Variants in THSD7A observed in about 807,000 individuals in gnomAD.
The protein encoded by THSD7A is thrombospondin type-1 domain-containing protein 7A.
In THSD7A, 96 loss-of-function variants were observed where a neutral mutation model predicts 231.3. The ratio of observed to expected loss-of-function variants is 0.41; its 90% confidence interval spans 0.35 to 0.49. THSD7A has a LOEUF of 0.49. Among genes scored for constraint, THSD7A ranks in the 20% least tolerant of loss-of-function variants. THSD7A has a pLI of 0.05. For synonymous variants in THSD7A, 940 were observed against 743.3 expected (o/e 1.26, Z -4.30); for missense variants, 2,290 against 2,070.2 (o/e 1.11, Z -2.06).
chr7:11,381,282 G>C (rs1480122979), intron 24 of THSD7A, among the ~76,000 whole-genome samples: 5 of 152,046 alleles, frequency 3.3e-5, no homozygotes, highest in African/African-American at 4.8e-5. Context: ...TCTTTTCTTT[G>C]TTCCGTATGT....
intron 1 of THSD7A, among the ~76,000 whole-genome samples, chr7:11,757,958 G>C (rs939170133): frequency 2.0e-5 from 3 of 148,584 alleles, no homozygotes; most frequent in African/African-American, 7.4e-5. Flanking sequence ...ATTTTTTATT[G>C]ACCACTTACT....
At chr7:11,735,558 G>C (rs1475380018) in intron 1 of THSD7A, among the ~76,000 whole-genome samples, 2 of 139,840 alleles carry the variant, frequency 1.4e-5, no homozygotes, top group East Asian at 4.1e-4. Context: ...ATCTCATTAT[G>C]TATATGTATT....
At chr7:11,487,005 T>G (rs1033192043) in intron 6 of THSD7A, among the ~76,000 whole-genome samples, 1 of 152,202 alleles carries the variant, frequency 6.6e-6, no homozygotes, top group Non-Finnish European at 1.5e-5. Flanking sequence ...AAACTCAAAA[T>G]GAGATTTAAA....
chr7:11,389,883 G>A (rs1490436100), intron 23 of THSD7A, among the ~76,000 whole-genome samples: 2 of 152,088 alleles, frequency 1.3e-5, no homozygotes, highest in South Asian at 2.1e-4. Flanking sequence ...GCTTAGTTTG[G>A]CTGGATATGA....
intron 1 of THSD7A, among the ~76,000 whole-genome samples, chr7:11,750,848 T>C (rs920780711): frequency 6.6e-6 from 1 of 152,028 alleles, no homozygotes; most frequent in Non-Finnish European, 1.5e-5. Flanking sequence ...AATACACTTA[T>C]TGTGAGTAAT....
At chr7:11,459,665 ATTTTTTTTTTTTTTTTTTTTTTTTT>A (rs34415355) in intron 11 of THSD7A, among the ~76,000 whole-genome samples, 1 of 39,894 alleles carries the variant, frequency 2.5e-5, no homozygotes, top group African/African-American at 6.1e-5. Context: ...AAAACAGGGG[ATTTTTTTTTTTTTTTTTTTTTTTTT>A]TTTTTTTTTT....
At chr7:11,525,636 T>C (rs1281177788) in intron 6 of THSD7A, among the ~76,000 whole-genome samples, 1 of 152,188 alleles carries the variant, frequency 6.6e-6, no homozygotes, top group Non-Finnish European at 1.5e-5. Flanking sequence ...GAAGTGTATA[T>C]GTATAATGCT....
chr7:11,818,000 G>A (rs756383413), intron 1 of THSD7A, among the ~76,000 whole-genome samples: 1 of 152,108 alleles, frequency 6.6e-6, no homozygotes, highest in Non-Finnish European at 1.5e-5. Flanking sequence ...GGAAATCCCT[G>A]AATACAGTGG....
Position 11,406,947 on chromosome 7 carries a change from C to G in THSD7A, c.4025G>C (p.Arg1342Pro), listed in dbSNP as rs148939821. The G allele has an allele frequency of 6.2e-7, 1 of 1,613,796 alleles. No individual in the cohort carries two copies. The highest frequency in any genetic ancestry group is 8.5e-7 in the Non-Finnish European group (1 of 1,179,814). ...SKPCPVKPCY[R>P]WQYGQWSPCQ... is the part of the protein sequence containing the mutation. Reference sequence around the variant, plus strand: ...TGGAGACCACTGGCCATATTGCCACCGATAACAAGGCTTCACTGGGCAGGG... The same window carrying G: ...TGGAGACCACTGGCCATATTGCCACGGATAACAAGGCTTCACTGGGCAGGG... Residue 1342 changes from arginine to proline, a missense_variant, in exon 21 of 28, where the codon CGG (arginine) becomes CCG (proline). Physicochemically the swap from Arg to Pro is moderately radical, Grantham distance 103. Transcript: ENST00000423059. This position sits in a 1 kb window ranked among gnomAD's most constrained non-coding sequence, Gnocchi z 4.7.
intron 13 of THSD7A, among the ~76,000 whole-genome samples, chr7:11,435,203 C>T (rs1318644494): frequency 6.6e-6 from 1 of 151,968 alleles, no homozygotes; most frequent in East Asian, 1.9e-4. Flanking sequence ...TGTACAAGTT[C>T]ATTACCAAGG....
intron 1 of THSD7A, among the ~76,000 whole-genome samples, chr7:11,775,603 A>C (rs1322056463): frequency 6.6e-6 from 1 of 152,226 alleles, no homozygotes; most frequent in Non-Finnish European, 1.5e-5. Flanking sequence ...TGCTGACTGC[A>C]TGATTTCACT....
intron 1 of THSD7A, among the ~76,000 whole-genome samples, chr7:11,692,071 A>G (rs1780250104): frequency 6.6e-6 from 1 of 151,552 alleles, no homozygotes; most frequent in Non-Finnish European, 1.5e-5. Flanking sequence ...TTAGTGTAAG[A>G]GAGGCTGCTT....
intron 6 of THSD7A, among the ~76,000 whole-genome samples, chr7:11,501,015 A>G (rs1420222178): frequency 3.9e-5 from 4 of 101,892 alleles, no homozygotes; most frequent in Non-Finnish European, 8.2e-5. Context: ...CAACAAAGAT[A>G]AAAAAAAAAG....
chr7:11,797,029 T>C (rs1013402269), intron 1 of THSD7A, among the ~76,000 whole-genome samples: 9 of 152,174 alleles, frequency 5.9e-5, no homozygotes, highest in African/African-American at 1.2e-4. Context: ...AGACAACTAA[T>C]AGATAACATT....
rs143900585 is a variant in THSD7A at position 11,457,457 on chromosome 7, G to A, written c.2605+3205C>T. Among the ~76,000 whole-genome samples, 411 of 151,700 alleles carry A rather than the reference G, an allele frequency of 2.7e-3. 1 individual carries two copies. Among genetic ancestry groups the A allele is most frequent in the African/African-American group, 8.5e-3 (353 of 41,362 alleles). On this transcript the variant is annotated intron_variant, in intron 11 of 27. Transcript: ENST00000423059. ...AGTCCCCAAAATATTTCCCTCTATC[G>A]TATGTCCACAATTTATTTATTTTTG...
intron 1 of THSD7A, among the ~76,000 whole-genome samples, chr7:11,690,034 T>A (rs1392679198): frequency 6.6e-6 from 1 of 151,774 alleles, no homozygotes; most frequent in East Asian, 2.0e-4. Flanking sequence ...AAGTACTCAA[T>A]ATGACCATAC....
intron 1 of THSD7A, among the ~76,000 whole-genome samples, chr7:11,709,876 C>A (rs1780892891): frequency 6.6e-6 from 1 of 150,822 alleles, no homozygotes; most frequent in South Asian, 2.1e-4. Context: ...AGAAAGTAAT[C>A]TGGCTTCCAA....
chr7:11,786,163 T>G (rs77825599), intron 1 of THSD7A, among the ~76,000 whole-genome samples: 4,024 of 152,210 alleles, frequency 0.026, 180 homozygotes, highest in African/African-American at 0.092. Context: ...TTCTTTATAG[T>G]AACTGCTCTC....
At chr7:11,707,549 T>C (rs543165458) in intron 1 of THSD7A, among the ~76,000 whole-genome samples, 3 of 151,098 alleles carry the variant, frequency 2.0e-5, no homozygotes, top group Admixed American at 6.6e-5. Context: ...CATTCTATCA[T>C]TATAATCTCT....
Sources: allele counts gnomAD v4.1 joint callset (sites outside exome capture counted in the v4.1 genomes callset), GRCh38; gene constraint gnomAD v4.1.1; non-coding constraint Gnocchi (gnomAD v3.1); transcripts MANE v1.5; gene names NCBI Gene and HGNC (gene_info 2026-07-23, HGNC 2026-07-21).